The following PDXDC1 variants were observed in gnomAD, a reference collection of about 807,000 sequenced individuals.
PDXDC1 encodes the protein pyridoxal-dependent decarboxylase domain-containing protein 1.
PDXDC1 carries 42 observed loss-of-function variants against 100.1 expected under a neutral mutation model. The ratio of observed to expected loss-of-function variants is 0.42; its 90% CI spans 0.33 to 0.54. The LOEUF (loss-of-function observed/expected upper bound fraction) is 0.54, where lower values mean the gene tolerates loss of function less well. PDXDC1 is among the 20% of genes least tolerant of loss of function. The pLI, the probability that PDXDC1 is intolerant of heterozygous loss-of-function variation, is 0.10. For missense variants in PDXDC1, 636 were observed against 979.2 expected (o/e 0.65, Z 4.68); for synonymous variants, 260 against 371.7 (o/e 0.70, Z 3.46).
intron 16 of PDXDC1, chr16:15,074,801 C>G (rs2045381069): frequency 1.9e-6 from 3 of 1,614,040 alleles, no homozygotes; most frequent in Non-Finnish European, 2.5e-6. Context: ...ACAGGATGCA[C>G]CATCTGGTCG....
At chr16:15,008,992 T>C (rs2041032624) in intron 7 of PDXDC1, 145 bp downstream of exon 7, 1 of 856,666 alleles carries the variant, frequency 1.2e-6, no homozygotes, top group Non-Finnish European at 1.9e-6. Context: ...TATATGCTTC[T>C]GTTAATATGT....
chr16:15,027,787 T>C (rs1016938975), intron 14 of PDXDC1, among the ~76,000 whole-genome samples: 1 of 152,298 alleles, frequency 6.6e-6, no homozygotes, highest in Non-Finnish European at 1.5e-5. Flanking sequence ...CAGCCACTTC[T>C]GTCTGCCCAC....
At chr16:15,052,825 TC>T (rs2044349725) in intron 16 of PDXDC1, among the ~76,000 whole-genome samples, 1 of 151,260 alleles carries the variant, frequency 6.6e-6, no homozygotes, top group Non-Finnish European at 1.5e-5. Context: ...GCTCTGTCTC[TC>T]AAAAAAAAAA....
intron 16 of PDXDC1, chr16:15,136,765 G>C (rs2048358455): frequency 6.3e-7 from 1 of 1,590,526 alleles, no homozygotes; most frequent in African/African-American, 1.3e-5. Flanking sequence ...AGACCGGTGG[G>C]AATGAGGGTG....
downstream of PDXDC1, among the ~76,000 whole-genome samples, chr16:15,140,152 G>A (rs1319863652): frequency 8.3e-5 from 12 of 144,378 alleles, no homozygotes; most frequent in Admixed American, 8.4e-4. Flanking sequence ...AAGAAAAGGA[G>A]AAGGGGAAAG....
downstream of PDXDC1, among the ~76,000 whole-genome samples, chr16:15,140,678 T>G (rs2048458513): frequency 1.3e-5 from 2 of 152,080 alleles, no homozygotes; most frequent in South Asian, 4.1e-4. Context: ...AACCAGGTCC[T>G]GGAGCTGGTG....
intron 18 of PDXDC1, 135 bp from the exon 19 acceptor site, chr16:15,033,143 C>G: frequency 9.0e-7 from 1 of 1,106,412 alleles, no homozygotes; most frequent in Non-Finnish European, 1.3e-6. Context: ...CTTGCCAGGC[C>G]TTTCTCTCCG....
At chr16:15,039,282 TA>T, downstream of PDXDC1, among the ~76,000 whole-genome samples, 1 of 152,316 alleles carries the variant, frequency 6.6e-6, no homozygotes, top group Non-Finnish European at 1.5e-5. Flanking sequence ...TGAGAAGTCC[TA>T]AAAATGTTAA....
At chr16:15,023,242 A>G (rs1404813774) in intron 13 of PDXDC1, among the ~76,000 whole-genome samples, 2 of 152,400 alleles carry the variant, frequency 1.3e-5, no homozygotes, top group African/African-American at 4.8e-5. Flanking sequence ...AGTGAATCCA[A>G]CAGATTGTTC....
chr16:15,034,566 A>G lies in PDXDC1; in HGVS notation c.2002+13A>G, dbSNP rs759256641. On this transcript the variant is annotated intron_variant, in intron 21 of 22. Coordinates refer to ENST00000396410, the MANE Select transcript of PDXDC1 (RefSeq NM_015027.4). ...AACTTGACAGCAGGTAGGACGGCAT[A>G]GCCTCTTCCCAGGTCTTGCTGACCT... 5 of 1,593,442 alleles carry G rather than the reference A, an allele frequency of 3.1e-6. No individual in the cohort carries two copies. The highest frequency in any genetic ancestry group is 4.3e-6 in the Non-Finnish European group (5 of 1,161,844).
intron 16 of PDXDC1, among the ~76,000 whole-genome samples, chr16:15,106,476 C>A (rs1407892490): frequency 6.7e-6 from 1 of 149,414 alleles, no homozygotes; most frequent in African/African-American, 2.4e-5. Flanking sequence ...ACAGTCTGAG[C>A]CGGTCACGGT....
At chr16:15,135,142 C>T (rs1480614698) in intron 16 of PDXDC1, 19 of 737,130 alleles carry the variant, frequency 2.6e-5, no homozygotes, top group Non-Finnish European at 4.0e-5. Flanking sequence ...AGCAGGCTGT[C>T]GTGTTACGTA....
At chr16:15,068,412 G>T (rs1185613666) in intron 16 of PDXDC1, 7 of 1,167,210 alleles carry the variant, frequency 6.0e-6, no homozygotes, top group Non-Finnish European at 8.2e-6. Context: ...TTTAAATAAA[G>T]GTCCATGCAG....
At chr16:15,052,833 A>T (rs539860248) in intron 16 of PDXDC1, among the ~76,000 whole-genome samples, 76 of 152,224 alleles carry the variant, frequency 5.0e-4, no homozygotes, top group African/African-American at 1.2e-3. Context: ...TCTCAAAAAA[A>T]AAATAAATAA....
At position 15,136,064 on chromosome 16, in the gene PDXDC1, C is replaced by T. The variant is rs1192074307; in HGVS notation, c.1400-2815C>T. 2.2e-5 allele frequency: 34 copies of T among 1,575,346 alleles called. No homozygotes were observed. In the South Asian group the frequency reaches 3.4e-4, roughly 16 times the overall value. ...TGGCAGCTCTCCAGGCTGAAGGCCT[C>T]GCCCTGCGGCGCTGGGCCCACCTCC... On this transcript the variant is annotated intron_variant, in intron 16 of 16. Coordinates refer to the PDXDC1 transcript ENST00000535621.
At chr16:14,979,410 C>T (rs1967443113) in intron 1 of PDXDC1, among the ~76,000 whole-genome samples, 1 of 152,292 alleles carries the variant, frequency 6.6e-6, no homozygotes. Flanking sequence ...CTGCCTCAGC[C>T]TCTCAAGTAG....
rs987873971 is a variant in PDXDC1 at position 15,036,791 on chromosome 16, C to G, written c.*516C>G. The G allele has an allele frequency of 6.3e-6, 1 of 159,698 alleles. No homozygotes were observed. The highest frequency in any genetic ancestry group is 1.8e-4 in the South Asian group (1 of 5,674). 9.9% of individuals were successfully genotyped at this position (159,698 alleles called of 1,614,324 possible). On this transcript the variant is annotated 3_prime_UTR_variant, in exon 23 of 23. Coordinates refer to ENST00000396410, the MANE Select transcript of PDXDC1 (RefSeq NM_015027.4). The stretch of plus-strand genomic sequence containing the variant: ...GTGATTGTGGGATTGTAAATAAGAG[C>G]ATCAGAAGCCCTCCCCAGCTACTGC...
intron 16 of PDXDC1, among the ~76,000 whole-genome samples, chr16:15,053,474 T>C (rs1031866481): frequency 4.0e-5 from 3 of 75,258 alleles, no homozygotes; most frequent in African/African-American, 1.2e-4. Context: ...TAAGCTATCA[T>C]TTTTTTAAAA....
chr16:15,142,745 ACCCCGCC>A (rs1343285550), downstream of PDXDC1, among the ~76,000 whole-genome samples: 1 of 140,038 alleles, frequency 7.1e-6, no homozygotes, highest in Non-Finnish European at 1.6e-5. Context: ...CAGCCCCCCC[ACCCCGCC>A]CCTCGGGCTT....
Sources: gnomAD v4.1 joint callset for allele counts (sites outside exome capture counted in the v4.1 genomes callset) on GRCh38, gnomAD v4.1.1 for gene constraint, MANE v1.5 for transcripts, NCBI Gene and HGNC (gene_info 2026-07-23, HGNC 2026-07-21) for gene names.